Variants in DCC observed in about 807,000 individuals in gnomAD.
DCC encodes the protein netrin receptor DCC.
A neutral mutation model predicts 172.5 loss-of-function variants in DCC; 58 were observed. The observed-to-expected ratio is 0.34, with a 90% confidence interval of 0.27 to 0.42. The LOEUF (loss-of-function observed/expected upper bound fraction) is 0.42, where lower values mean the gene tolerates loss of function less well. Among genes scored for constraint, DCC ranks in the 10% least tolerant of loss-of-function variants. The pLI is 1.00. For synonymous variants in DCC, 709 were observed against 644.5 expected (o/e 1.10, Z -1.52); for missense variants, 1,740 against 1,791.0 (o/e 0.97, Z 0.51).
intron 26 of DCC, among the ~76,000 whole-genome samples, chr18:53,494,920 G>C (rs2046001651): frequency 6.6e-6 from 1 of 152,182 alleles, no homozygotes; most frequent in South Asian, 2.1e-4. Context: ...AATTTGGTAT[G>C]TTTTTGCAGT....
chr18:52,410,400 C>T (rs1986803989), intron 1 of DCC, among the ~76,000 whole-genome samples: 1 of 152,092 alleles, frequency 6.6e-6, no homozygotes, highest in African/African-American at 2.4e-5. Context: ...CCACTGCATT[C>T]CAGCTTGGGT....
At chr18:52,891,101 T>C (rs557126357) in intron 2 of DCC, among the ~76,000 whole-genome samples, 1 of 152,206 alleles carries the variant, frequency 6.6e-6, no homozygotes, top group South Asian at 2.1e-4. Context: ...GAAATAATAA[T>C]TTCATGTTCA....
At chr18:53,224,844 C>T (rs1337866738) in intron 12 of DCC, among the ~76,000 whole-genome samples, 1 of 152,030 alleles carries the variant, frequency 6.6e-6, no homozygotes, top group African/African-American at 2.4e-5. Context: ...ATTAAATATA[C>T]AATTAGGAAT....
intron 2 of DCC, among the ~76,000 whole-genome samples, chr18:52,825,515 T>A: frequency 6.6e-6 from 1 of 152,292 alleles, no homozygotes; most frequent in South Asian, 2.1e-4. Flanking sequence ...CTATTATAGT[T>A]ATATAATTAT....
chr18:53,033,123 A>G (rs1487281898), intron 5 of DCC, among the ~76,000 whole-genome samples: 1 of 152,144 alleles, frequency 6.6e-6, no homozygotes, highest in Non-Finnish European at 1.5e-5. Context: ...ACAATGACTT[A>G]TAGAAATAAG....
At chr18:53,165,045 A>G (rs1016589409) in intron 8 of DCC, among the ~76,000 whole-genome samples, 3 of 152,224 alleles carry the variant, frequency 2.0e-5, no homozygotes, top group Non-Finnish European at 4.4e-5. Context: ...AGCTCCATAT[A>G]AAATACAGTG....
intron 12 of DCC, among the ~76,000 whole-genome samples, chr18:53,216,981 A>G (rs2055861628): frequency 6.6e-6 from 1 of 152,132 alleles, no homozygotes; most frequent in African/African-American, 2.4e-5. Context: ...TGAAATTTGG[A>G]AAACATATTG....
intron 14 of DCC, among the ~76,000 whole-genome samples, chr18:53,323,253 C>T (rs2057432079): frequency 6.6e-6 from 1 of 152,118 alleles, no homozygotes; most frequent in South Asian, 2.1e-4. Context: ...CCATCTCATT[C>T]TCTTTCTCCT....
At chr18:53,473,276 T>C (rs761493640) in intron 25 of DCC, among the ~76,000 whole-genome samples, 53 of 152,228 alleles carry the variant, frequency 3.5e-4, no homozygotes, top group Non-Finnish European at 7.2e-4. Context: ...ATGATAAGGA[T>C]GTAATGTATC....
chr18:53,043,009 TA>T (rs1404062301), intron 5 of DCC, among the ~76,000 whole-genome samples: 1 of 151,830 alleles, frequency 6.6e-6, no homozygotes, highest in Non-Finnish European at 1.5e-5. Context: ...TATAAAGACA[TA>T]TGCACACGTA....
At chr18:52,765,062 C>T (rs1292949108) in intron 2 of DCC, among the ~76,000 whole-genome samples, 4 of 148,774 alleles carry the variant, frequency 2.7e-5, no homozygotes, top group African/African-American at 9.9e-5. Context: ...GATCATTGCT[C>T]ATGTTGCCCA....
chr18:52,510,262 T>C (rs1167796622), intron 1 of DCC, among the ~76,000 whole-genome samples: 1 of 152,158 alleles, frequency 6.6e-6, no homozygotes, highest in Non-Finnish European at 1.5e-5. Context: ...CTGTCCAAAG[T>C]ATATGCATCC....
At position 52,427,401 on chromosome 18, in the gene DCC, A is replaced by C. The variant is rs1392345978; in HGVS notation, c.91+86523A>C. Among the ~76,000 whole-genome samples, 11 of 152,202 alleles carry C rather than the reference A, an allele frequency of 7.2e-5. 1 individual carries two copies. Among genetic ancestry groups the C allele is most frequent in the Middle Eastern group, 3.4e-3 (1 of 294 alleles). ...AATCTTTTAAGAAGGAAGGAAGAGA[A>C]GGAAAAAGGAGGATATGGAAGGAAG... On this transcript the variant is annotated intron_variant, in intron 1 of 28. Transcript: ENST00000442544.
chr18:53,518,091 CTAGT>C (rs1377442252), intron 27 of DCC, among the ~76,000 whole-genome samples: 1 of 152,086 alleles, frequency 6.6e-6, no homozygotes, highest in Non-Finnish European at 1.5e-5. Flanking sequence ...CGAGCACAGG[CTAGT>C]TACTTAATAA....
At chr18:53,451,735 A>ATCTCTC (rs760128698) in intron 23 of DCC, among the ~76,000 whole-genome samples, 2 of 112,158 alleles carry the variant, frequency 1.8e-5, no homozygotes, top group African/African-American at 3.5e-5. Context: ...CTCTCTCTCC[A>ATCTCTC]TCTCTCTCTC....
At chr18:53,018,487 A>C (rs1323171545) in intron 5 of DCC, among the ~76,000 whole-genome samples, 1 of 152,162 alleles carries the variant, frequency 6.6e-6, no homozygotes, top group South Asian at 2.1e-4. Flanking sequence ...TGCCCTACTA[A>C]CTATACTTTT....
chr18:52,642,079 TACACAC>T (rs200347229), intron 1 of DCC, among the ~76,000 whole-genome samples: 16 of 100,588 alleles, frequency 1.6e-4, no homozygotes, highest in South Asian at 4.4e-4. Context: ...TATATATATA[TACACAC>T]ACACACACAC....
intron 7 of DCC, among the ~76,000 whole-genome samples, chr18:53,137,011 A>T (rs2043754061): frequency 6.6e-6 from 1 of 152,220 alleles, no homozygotes; most frequent in South Asian, 2.1e-4. Context: ...AGTTGACTTG[A>T]TAATTTCTAC....
At chr18:53,181,507 T>A (rs867105968) in intron 9 of DCC, among the ~76,000 whole-genome samples, 2 of 151,552 alleles carry the variant, frequency 1.3e-5, no homozygotes, top group East Asian at 3.9e-4. Context: ...TCCATAAAAA[T>A]TAAAAAAAAT....
Sources: allele counts gnomAD v4.1 joint callset (sites outside exome capture counted in the v4.1 genomes callset), GRCh38; gene constraint gnomAD v4.1.1; transcripts MANE v1.5; gene names NCBI Gene and HGNC (gene_info 2026-07-23, HGNC 2026-07-21).